Variants in ST3GAL5 observed in about 807,000 individuals in gnomAD.
ST3GAL5 encodes lactosylceramide alpha-2,3-sialyltransferase.
A neutral mutation model predicts 46.1 loss-of-function variants in ST3GAL5; 25 were observed. The ratio of observed to expected loss-of-function variants is 0.54; its 90% CI spans 0.40 to 0.76. The LOEUF is 0.76. ST3GAL5 is among the 30% of genes least tolerant of loss of function. The pLI is 0.00. For missense variants in ST3GAL5, 431 were observed against 521.2 expected, an observed-to-expected ratio of 0.83 and a Z score of 1.69; for synonymous variants, 182 against 192.7, an observed-to-expected ratio of 0.94 and a Z score of 0.46.
chr2:85,873,667 T>C (rs950169204), intron 1 of ST3GAL5, among the ~76,000 whole-genome samples: 5 of 152,166 alleles, frequency 3.3e-5, no homozygotes, highest in African/African-American at 1.2e-4. Flanking sequence ...TAAGTTCAGC[T>C]TGGCCTTGCA....
At chr2:85,854,192 T>G (rs1240847749) in intron 3 of ST3GAL5, 1 of 152,186 alleles carries the variant, frequency 6.6e-6, no homozygotes, top group African/African-American at 2.4e-5. Flanking sequence ...AGTAACCTTT[T>G]AGAAATCGCT....
chr2:85,885,750 C>G (rs4832215), intron 1 of ST3GAL5, among the ~76,000 whole-genome samples: 2 of 151,120 alleles, frequency 1.3e-5, no homozygotes. Context: ...GCGTGAACCC[C>G]GGAGGCGGAG....
At chr2:85,840,942 C>CAAAAAAAA (rs1272089535) in intron 6 of ST3GAL5, among the ~76,000 whole-genome samples, 1,833 of 24,186 alleles carry the variant, frequency 0.076, 325 homozygotes, top group East Asian at 0.14. Flanking sequence ...GACTCTGTCT[C>CAAAAAAAA]AAAAAAAAAA....
chr2:85,877,177 C>G (rs6720628), intron 1 of ST3GAL5, among the ~76,000 whole-genome samples: 111,560 of 152,132 alleles, frequency 0.73, 41,263 homozygotes, highest in East Asian at 0.99. Flanking sequence ...ACAGCATAAT[C>G]ATAATTAGGA....
At chr2:85,864,901 T>C (rs1263855052) in intron 1 of ST3GAL5, among the ~76,000 whole-genome samples, 1 of 152,206 alleles carries the variant, frequency 6.6e-6, no homozygotes, top group African/African-American at 2.4e-5. Flanking sequence ...AAGCATCCTG[T>C]GCAATTCTCA....
rs937553367 is a variant in ST3GAL5, at chr2:85,839,039, C to T, written c.*1105G>A. ...AGGACCAGGTGCCTTAATTCTCTGT[C>T]CCTCACTACTGGCATCCACAGAGAG... On this transcript the variant is annotated 3_prime_UTR_variant, in exon 7 of 7. Transcript: ENST00000638572. 2 of 152,248 alleles carry T rather than the reference C, an allele frequency of 1.3e-5. No individual in the cohort carries two copies. The highest frequency in any genetic ancestry group is 2.9e-5 in the Non-Finnish European group (2 of 68,084). 9.4% of individuals were successfully genotyped at this position (152,248 alleles called of 1,614,324 possible). A position where few individuals can be genotyped will look rare whatever the true frequency, so the allele number is the denominator to read the frequency against.
At chr2:85,868,204 A>C (rs527540651) in intron 1 of ST3GAL5, 1 of 154,178 alleles carries the variant, frequency 6.5e-6, no homozygotes, top group South Asian at 2.0e-4. Context: ...GTTCGGTGAA[A>C]AGGTGGCAGT....
At chr2:85,877,878 G>GA (rs973633173) in intron 1 of ST3GAL5, among the ~76,000 whole-genome samples, 3 of 150,856 alleles carry the variant, frequency 2.0e-5, no homozygotes, top group African/African-American at 2.4e-5. Context: ...TAGCTATTAA[G>GA]AAAAAAAAAT....
intron 1 of ST3GAL5, among the ~76,000 whole-genome samples, chr2:85,864,946 T>C (rs1685133680): frequency 1.3e-5 from 2 of 152,226 alleles, no homozygotes; most frequent in Admixed American, 1.3e-4. Flanking sequence ...GCTTCTCCTG[T>C]ATCCCCTCTG....
intron 2 of ST3GAL5, among the ~76,000 whole-genome samples, chr2:85,862,869 T>TA (rs1327900465): frequency 1.3e-5 from 2 of 152,194 alleles, no homozygotes; most frequent in Non-Finnish European, 2.9e-5. Flanking sequence ...GGTATATATG[T>TA]AAAAAAAGAC....
rs368983131 is a variant in ST3GAL5 at position 85,848,167 on chromosome 2, T to C, written c.356A>G (p.Glu119Gly). ...QKYAQQVLQKECRPKFAKTSM... is the reference protein window; with the variant it reads ...QKYAQQVLQKGCRPKFAKTSM... ...TGTCTTGGCAAACTTGGGACGACAT[T>C]CCTTCTGCAAGACTTGCTGAGCATA... The change falls in exon 4 of 7, where the codon GAA becomes GGA. Residue 119 changes from glutamate to glycine, a missense_variant. Glu to Gly is a moderately conservative substitution (Grantham distance 98). Transcript: ENST00000638572. 16 of 1,614,112 alleles carry C rather than the reference T, an allele frequency of 9.9e-6. No homozygotes were observed. In the African/African-American group the frequency reaches 2.1e-4, roughly 22 times the overall value.
intron 3 of ST3GAL5, among the ~76,000 whole-genome samples, chr2:85,860,137 G>C (rs1054734410): frequency 1.3e-5 from 2 of 152,212 alleles, no homozygotes; most frequent in African/African-American, 4.8e-5. Context: ...ACATCCCCAG[G>C]AATGTGATGA....
At chr2:85,852,339 G>A (rs778677072) in intron 3 of ST3GAL5, among the ~76,000 whole-genome samples, 4 of 152,172 alleles carry the variant, frequency 2.6e-5, no homozygotes, top group Admixed American at 6.5e-5. Context: ...GGTGCTGGTC[G>A]CTTCTTCGCA....
intron 3 of ST3GAL5, 154 bp downstream of exon 3, chr2:85,861,027 G>A: frequency 3.1e-6 from 2 of 653,006 alleles, no homozygotes; most frequent in South Asian, 3.3e-5. Flanking sequence ...GAAGAAGGTT[G>A]TCTTTGGTTT....
intron 1 of ST3GAL5, chr2:85,875,506 T>C (rs1686442257): frequency 6.6e-6 from 1 of 152,208 alleles, no homozygotes; most frequent in Non-Finnish European, 1.5e-5. Flanking sequence ...AACATTTCTA[T>C]GGCTCCTTCC....
intron 1 of ST3GAL5, among the ~76,000 whole-genome samples, chr2:85,864,591 AAAAAG>A (rs1010998642): frequency 2.2e-5 from 3 of 137,382 alleles, no homozygotes; most frequent in Non-Finnish European, 5.0e-5. Flanking sequence ...ATCAAAAAAA[AAAAAG>A]AAAAAGAGAG....
intron 1 of ST3GAL5, among the ~76,000 whole-genome samples, chr2:85,886,666 C>G (rs1331702702): frequency 6.6e-6 from 1 of 152,124 alleles, no homozygotes; most frequent in Non-Finnish European, 1.5e-5. Flanking sequence ...CTTGCTTCTC[C>G]TCTGCACGTG....
At position 85,838,464 on chromosome 2, in the gene ST3GAL5, T is replaced by A. The variant is rs1357069637; in HGVS notation, c.*1680A>T. 1.3e-5 allele frequency: 2 copies of A among 152,222 alleles called. No individual in the cohort carries two copies. Among genetic ancestry groups the A allele is most frequent in the Non-Finnish European group, 2.9e-5 (2 of 68,036 alleles). The allele number at this position is 152,222 out of a possible 1,614,324, so 9.4% of individuals were successfully genotyped here. On this transcript the variant is annotated 3_prime_UTR_variant, in exon 7 of 7. Transcript: ENST00000638572. Reference sequence around the variant, plus strand: ...GCCACAAGGGAGCTGTGGACCATCTTCCAGAGTCTCAATTTTCTAAACTCA... The same window carrying A: ...GCCACAAGGGAGCTGTGGACCATCTACCAGAGTCTCAATTTTCTAAACTCA...
chr2:85,869,598 G>T (rs1409838678), intron 1 of ST3GAL5, among the ~76,000 whole-genome samples: 1 of 152,094 alleles, frequency 6.6e-6, no homozygotes, highest in African/African-American at 2.4e-5. Flanking sequence ...AAGCATTTAG[G>T]CTTAAAAAGC....
Sources: gnomAD v4.1 joint callset for allele counts (sites outside exome capture counted in the v4.1 genomes callset) on GRCh38, gnomAD v4.1.1 for gene constraint, MANE v1.5 for transcripts, NCBI Gene and HGNC (gene_info 2026-07-23, HGNC 2026-07-21) for gene names.